The following TFPI variants were observed in gnomAD, a reference collection of about 807,000 sequenced individuals.
TFPI encodes the protein anti-convertin.
A neutral mutation model predicts 34.6 loss-of-function variants in TFPI; 15 were observed. The ratio of observed to expected loss-of-function variants is 0.43; its 90% CI spans 0.29 to 0.67. The LOEUF (loss-of-function observed/expected upper bound fraction) is 0.67, where lower values mean the gene tolerates loss of function less well. Among genes scored for constraint, TFPI ranks in the 30% least tolerant of loss-of-function variants. The pLI is 0.15. For synonymous variants in TFPI, 105 were observed against 120.1 expected, an observed-to-expected ratio of 0.87 and a Z score of 0.82; for missense variants, 301 against 364.0, an observed-to-expected ratio of 0.83 and a Z score of 1.41.
intron 3 of TFPI, 50 bp from the exon 4 acceptor site, chr2:187,488,425 ATAC>A (rs763664553): frequency 2.9e-5 from 36 of 1,223,032 alleles, no homozygotes; most frequent in Non-Finnish European, 3.2e-5. Flanking sequence ...TTATAAAGTA[ATAC>A]TATGAATTTG....
intron 3 of TFPI, among the ~76,000 whole-genome samples, chr2:187,496,352 A>G (rs896636623): frequency 5.3e-5 from 8 of 152,180 alleles, no homozygotes; most frequent in African/African-American, 1.7e-4. Context: ...CGATGAGACC[A>G]TTGTGTTGAC....
At chr2:187,474,813 G>T (rs1238408926) in intron 6 of TFPI, among the ~76,000 whole-genome samples, 2 of 151,984 alleles carry the variant, frequency 1.3e-5, no homozygotes, top group African/African-American at 4.8e-5. Context: ...AAATTTTGGT[G>T]GCTTTTATTC....
At chr2:187,524,487 C>T (rs1004700324) in intron 1 of TFPI, among the ~76,000 whole-genome samples, 2 of 151,988 alleles carry the variant, frequency 1.3e-5, no homozygotes, top group Non-Finnish European at 2.9e-5. Context: ...AGCACAGGCA[C>T]TTTACATAGG....
intron 1 of TFPI, among the ~76,000 whole-genome samples, chr2:187,509,549 T>C (rs1686473538): frequency 6.6e-6 from 1 of 152,236 alleles, no homozygotes; most frequent in Non-Finnish European, 1.5e-5. Flanking sequence ...GTCCAGGAAC[T>C]TATCCATTTC....
At chr2:187,468,737 G>T (rs909091506) in intron 6 of TFPI, among the ~76,000 whole-genome samples, 2 of 152,086 alleles carry the variant, frequency 1.3e-5, no homozygotes, top group East Asian at 1.9e-4. Flanking sequence ...TCAGCTGAAT[G>T]TTAGTTTTTA....
Position 187,503,462 on chromosome 2 carries a change from TACAC to T in TFPI, c.121+182_121+185del, listed in dbSNP as rs138349562. Among the ~76,000 whole-genome samples the T allele has an allele frequency of 4.4e-3, 630 of 142,292 alleles. 1 individual carries two copies. The highest frequency in any genetic ancestry group is 0.011 in the Middle Eastern group (3 of 276). 93.3% of individuals were successfully genotyped at this position (142,292 alleles called of 152,430 possible). A position where few individuals can be genotyped will look rare whatever the true frequency, so the allele number is the denominator to read the frequency against. On this transcript the variant is annotated intron_variant, in intron 2 of 7. Coordinates refer to ENST00000233156, the MANE Select transcript of TFPI (RefSeq NM_006287.6). ...ACTGTTTAAAACACACATGTGCATG[TACAC>T]ACACACACACACACACACACACACA...
At chr2:187,535,653 C>T (rs1453100979) in intron 1 of TFPI, among the ~76,000 whole-genome samples, 1 of 152,034 alleles carries the variant, frequency 6.6e-6, no homozygotes, top group Non-Finnish European at 1.5e-5. Flanking sequence ...AAGTTGACAA[C>T]CAAACATTGC....
chr2:187,524,065 T>C lies in TFPI; in HGVS notation c.-2-20295A>G, dbSNP rs545760111. Among the ~76,000 whole-genome samples, 13 of 152,270 alleles carry C rather than the reference T, an allele frequency of 8.5e-5. No individual in the cohort carries two copies. The South Asian group carries it at 2.7e-3, about 32-fold the overall frequency. Reference sequence around the variant, plus strand: ...GCATACTGTTTTCAGGCTCCATTCATGCTGTAGCATATATGATTGCTTTCT... The same window carrying C: ...GCATACTGTTTTCAGGCTCCATTCACGCTGTAGCATATATGATTGCTTTCT... On this transcript the variant is annotated intron_variant, in intron 1 of 7. Transcript: ENST00000233156.
intron 1 of TFPI, among the ~76,000 whole-genome samples, chr2:187,522,280 C>T (rs1177505918): frequency 6.6e-6 from 1 of 151,918 alleles, no homozygotes; most frequent in Non-Finnish European, 1.5e-5. Flanking sequence ...AAAATCATTG[C>T]CAAGACCAAT....
intron 1 of TFPI, among the ~76,000 whole-genome samples, chr2:187,504,715 C>T (rs891732390): frequency 6.6e-5 from 10 of 152,082 alleles, no homozygotes; most frequent in African/African-American, 2.2e-4. Flanking sequence ...TTCCTGTTCT[C>T]AGCCACCAGT....
Position 187,496,946 on chromosome 2 carries a change from C to T in TFPI, c.254G>A (p.Gly85Glu). 1.2e-6 allele frequency: 2 copies of T among 1,613,328 alleles called. No individual in the cohort carries two copies. The highest frequency in any genetic ancestry group is 1.7e-6 in the Non-Finnish European group (2 of 1,179,520). ...TCGATTCTGATTTCCTTCACATCCC[C>T]CATATATAAATTCTTCGCACTGTCG... ...FTRQCEEFIY[G>E]GCEGNQNRFE... Residue 85 changes from glycine (G) to glutamate (E), a missense_variant, in exon 3 of 8, where the codon GGG becomes GAG. Coordinates refer to ENST00000233156, the MANE Select transcript of TFPI (RefSeq NM_006287.6).
At chr2:187,536,163 AG>A (rs1688240640) in intron 1 of TFPI, among the ~76,000 whole-genome samples, 1 of 152,240 alleles carries the variant, frequency 6.6e-6, no homozygotes, top group Non-Finnish European at 1.5e-5. Context: ...TACAAAGAGT[AG>A]CTGGTACTAT....
In TFPI at chr2:187,472,416, C is replaced by G. The variant is rs547699933; in HGVS notation, c.629-4484G>C. Among the ~76,000 whole-genome samples, 5 of 152,244 alleles carry G rather than the reference C, an allele frequency of 3.3e-5. No individual in the cohort carries two copies. The South Asian group carries it at 1.0e-3, about 32-fold the overall frequency. The stretch of plus-strand genomic sequence containing the variant: ...TTCTAAAATTAGAATTATGCAAAAT[C>G]TATATTCAATTTATAACTTGGTAGA... On this transcript the variant is annotated intron_variant, in intron 6 of 7. Coordinates refer to ENST00000233156, the MANE Select transcript of TFPI (RefSeq NM_006287.6).
chr2:187,485,403 T>C (rs1693189016), intron 4 of TFPI, among the ~76,000 whole-genome samples: 1 of 151,754 alleles, frequency 6.6e-6, no homozygotes, highest in Non-Finnish European at 1.5e-5. Flanking sequence ...AAAAGCATTG[T>C]AGTGCGTTGC....
chr2:187,520,438 GC>G (rs1687302974), intron 1 of TFPI: 1 of 152,298 alleles, frequency 6.6e-6, no homozygotes, highest in Non-Finnish European at 1.5e-5. Flanking sequence ...GTGAAACAAT[GC>G]CCCACCCTGC....
At position 187,496,993 on chromosome 2, in the gene TFPI, T is replaced by C. The variant is rs1472711117; in HGVS notation, c.207A>G (p.Arg69=). The change falls in exon 3 of 8, where the codon AGA becomes AGG. Residue 69 remains arginine (R), a synonymous_variant. Transcript: ENST00000233156. ...GTCGAGTGAAAATATTGAAGAAAAA[T>C]CTTTTCATGATTGCTTTACATGGGC... ...DDGPCKAIMK[R]FFFNIFTRQC... 1 of 1,613,260 alleles carries C rather than the reference T, an allele frequency of 6.2e-7. No individual in the cohort carries two copies. The highest frequency in any genetic ancestry group is 1.3e-5 in the African/African-American group (1 of 74,850).
At chr2:187,525,977 TA>T (rs1449187383) in intron 1 of TFPI, among the ~76,000 whole-genome samples, 1 of 152,184 alleles carries the variant, frequency 6.6e-6, no homozygotes, top group African/African-American at 2.4e-5. Context: ...TCTATTTACT[TA>T]TCTATAAAAT....
chr2:187,551,366 G>C (rs1043068888), intron 1 of TFPI, among the ~76,000 whole-genome samples: 4 of 152,106 alleles, frequency 2.6e-5, no homozygotes, highest in Non-Finnish European at 5.9e-5. Context: ...ATCCCAAATA[G>C]AGGCTTAAAG....
rs368610665 is a variant in TFPI at position 187,477,968 on chromosome 2, A to T, written c.628+6156T>A. On this transcript the variant is annotated intron_variant, in intron 6 of 7. Coordinates refer to ENST00000233156, the MANE Select transcript of TFPI (RefSeq NM_006287.6). ...TGTGGAACTGGGTCAGGTATATAGGAGTTCCCTTTCTCAGTCAGTGGCCAA... is the reference window on the plus strand; with the variant it reads ...TGTGGAACTGGGTCAGGTATATAGGTGTTCCCTTTCTCAGTCAGTGGCCAA... 1.9e-3 allele frequency among the ~76,000 whole-genome samples: 286 copies of T among 152,214 alleles called. 3 individuals are homozygous for T. Among genetic ancestry groups the T allele is most frequent in the African/African-American group, 6.6e-3 (275 of 41,540 alleles).
Sources: gnomAD v4.1 joint callset for allele counts (sites outside exome capture counted in the v4.1 genomes callset) on GRCh38, gnomAD v4.1.1 for gene constraint, MANE v1.5 for transcripts, NCBI Gene and HGNC (gene_info 2026-07-23, HGNC 2026-07-21) for gene names.